The following ZDHHC20 variants were observed in gnomAD, a reference collection of about 807,000 sequenced individuals.
The protein encoded by ZDHHC20 is zDHHC palmitoyltransferase 20, also known as palmitoyltransferase ZDHHC20.
Under a neutral mutation model 57.8 loss-of-function variants are expected in ZDHHC20, and 43 were observed. The ratio of observed to expected loss-of-function variants is 0.74; its 90% CI spans 0.58 to 0.96. ZDHHC20 has a LOEUF of 0.96. Among genes scored for constraint, ZDHHC20 ranks in the 40% least tolerant of loss-of-function variants. The probability of loss-of-function intolerance (pLI) is 0.00; values close to 1 mark genes in which losing one functional copy is unlikely to be tolerated. For missense variants in ZDHHC20, 391 were observed against 441.1 expected (o/e 0.89, Z 1.02); for synonymous variants, 157 against 153.0 (o/e 1.03, Z -0.19).
At position 21,374,636 on chromosome 13, in the gene ZDHHC20, T is replaced by G; in HGVS notation, c.*2060A>C. On this transcript the variant is annotated 3_prime_UTR_variant, in exon 13 of 13. Coordinates refer to ENST00000400590, the MANE Select transcript of ZDHHC20 (RefSeq NM_001330059.2). ...ATCCATACTATAATATCCCAAATTA[T>G]GTTTTCAAAGCTAACTCATTCCTTT... 1 of 227,568 alleles carries G rather than the reference T, an allele frequency of 4.4e-6. No homozygotes were observed. Among genetic ancestry groups the G allele is most frequent in the Non-Finnish European group, 9.2e-6 (1 of 109,232 alleles). 14.1% of individuals were successfully genotyped at this position (227,568 alleles called of 1,614,324 possible).
At chr13:21,385,927 A>G (rs1593179359) in intron 9 of ZDHHC20, among the ~76,000 whole-genome samples, 1 of 152,338 alleles carries the variant, frequency 6.6e-6, no homozygotes, top group East Asian at 1.9e-4. Flanking sequence ...CATTAGAAAC[A>G]ATGCAGACCA....
chr13:21,447,414 T>G (rs1883850335), intron 1 of ZDHHC20, among the ~76,000 whole-genome samples: 1 of 144,926 alleles, frequency 6.9e-6, no homozygotes, highest in Admixed American at 6.9e-5. Flanking sequence ...TGCCTCAGCC[T>G]GCCGAGTGCC....
At chr13:21,416,844 C>A (rs982374001) in intron 3 of ZDHHC20, among the ~76,000 whole-genome samples, 2 of 152,090 alleles carry the variant, frequency 1.3e-5, no homozygotes, top group African/African-American at 4.8e-5. Flanking sequence ...CATGAAGAAG[C>A]AATGAAGATT....
Position 21,421,067 on chromosome 13 carries a change from G to T in ZDHHC20, c.243C>A (p.Ser81=). 1 of 1,611,612 alleles carries T rather than the reference G, an allele frequency of 6.2e-7. No homozygotes were observed. The highest frequency in any genetic ancestry group is 8.5e-7 in the Non-Finnish European group (1 of 1,178,756). ...MTIFTSPASP[S]KEFYLSNSEK... is the part of the protein sequence containing the mutation. The stretch of plus-strand genomic sequence containing the variant: ...TTACCAACATTAAATTTACCTCTTT[G>T]GAGGGGGAAGCGGGAGATGTGAAAA... The change falls in exon 3 of 13, where the codon TCC becomes TCA. Residue 81 remains serine, a synonymous_variant. Transcript: ENST00000400590.
At chr13:21,434,559 GA>G (rs1477120054) in intron 1 of ZDHHC20, among the ~76,000 whole-genome samples, 1 of 152,166 alleles carries the variant, frequency 6.6e-6, no homozygotes, top group Non-Finnish European at 1.5e-5. Context: ...TTGGTTGTCT[GA>G]AGCTCATTGT....
intron 1 of ZDHHC20, among the ~76,000 whole-genome samples, chr13:21,457,895 T>C (rs554004095): frequency 8.5e-5 from 13 of 152,216 alleles, no homozygotes; most frequent in Non-Finnish European, 1.6e-4. Context: ...CAGTCCTTCA[T>C]AAAATGGTAG....
intron 3 of ZDHHC20, among the ~76,000 whole-genome samples, chr13:21,417,511 C>T (rs1880127502): frequency 6.6e-6 from 1 of 152,160 alleles, no homozygotes; most frequent in East Asian, 1.9e-4. Context: ...GCAATCTTGG[C>T]TTACTGCATC....
At chr13:21,408,819 GA>G (rs1182454074) in intron 4 of ZDHHC20, among the ~76,000 whole-genome samples, 5 of 152,176 alleles carry the variant, frequency 3.3e-5, no homozygotes, top group African/African-American at 1.2e-4. Flanking sequence ...TTTTTAGCAT[GA>G]AAGGTTGCTG....
chr13:21,427,444 C>A (rs1593251309), intron 1 of ZDHHC20, among the ~76,000 whole-genome samples: 1 of 152,136 alleles, frequency 6.6e-6, no homozygotes, highest in African/African-American at 2.4e-5. Context: ...AGTAGAAAAT[C>A]TGAATTTAAA....
chr13:21,423,508 T>C (rs1422681129), intron 2 of ZDHHC20, among the ~76,000 whole-genome samples: 3 of 151,978 alleles, frequency 2.0e-5, no homozygotes, highest in Non-Finnish European at 4.4e-5. Flanking sequence ...GAACTCCATC[T>C]CTACCAATAC....
intron 3 of ZDHHC20, among the ~76,000 whole-genome samples, chr13:21,414,365 T>A (rs1389727955): frequency 6.6e-6 from 1 of 151,354 alleles, no homozygotes; most frequent in Non-Finnish European, 1.5e-5. Flanking sequence ...GACCTTTTTT[T>A]TTTCTTTTTT....
Position 21,402,797 on chromosome 13 carries a change from G to A in ZDHHC20, c.440C>T (p.Ser147Leu), listed in dbSNP as rs539103465. Residue 147 changes from serine to leucine, a missense_variant and splice_region_variant, in exon 5 of 13, where the codon TCA becomes TTA. Ser to Leu is a moderately radical substitution (Grantham distance 145, BLOSUM62 -2). Around this residue, in one of 3 missense-constraint regions of ZDHHC20, gnomAD observed 185 missense variants for 188.0 expected, o/e 0.98. Coordinates refer to ENST00000400590, the MANE Select transcript of ZDHHC20 (RefSeq NM_001330059.2). ...DRAHHCSACD[S>L]CILKMDHHCP... ...AAGCATATGTGTGAGTAACACTTAC[G>A]AGTCACAGGCTGAGCAGTGATGCGC... 9 of 1,595,552 alleles carry A rather than the reference G, an allele frequency of 5.6e-6. No homozygotes were observed. The South Asian group carries it at 5.7e-5, about 10-fold the overall frequency.
At position 21,459,145 on chromosome 13, in the gene ZDHHC20, G is replaced by A; in HGVS notation, c.27C>T (p.Cys9=). 1 of 1,604,516 alleles carries A rather than the reference G, an allele frequency of 6.2e-7. No homozygotes were observed. The highest frequency in any genetic ancestry group is 1.1e-5 in the South Asian group (1 of 89,868). The change falls in exon 1 of 13, where the codon TGC becomes TGT. Residue 9 remains cysteine (C), a synonymous_variant. Coordinates refer to ENST00000400590, the MANE Select transcript of ZDHHC20 (RefSeq NM_001330059.2). MAPWTLWR[C]CQRVVGWVPV... ...GCACCCAGCCCACGACGCGCTGGCA[G>A]CAGCGCCACAGCGTCCAGGGCGCCA...
At chr13:21,379,825 C>CTTTTTTTTTTTTTTTTTTTTTTT (rs56681468) in intron 11 of ZDHHC20, among the ~76,000 whole-genome samples, 1 of 137,732 alleles carries the variant, frequency 7.3e-6, no homozygotes. Flanking sequence ...TTTCTTTTTT[C>CTTTTTTTTTTTTTTTTTTTTTTT]TTTTTTTTTG....
chr13:21,454,736 G>C (rs563602652), intron 1 of ZDHHC20, among the ~76,000 whole-genome samples: 1 of 152,192 alleles, frequency 6.6e-6, no homozygotes, highest in Non-Finnish European at 1.5e-5. Context: ...CATGTACAAT[G>C]ATAGTGCTTA....
rs1877441442 is a variant in ZDHHC20 at position 21,400,337 on chromosome 13, T to C, written c.594+36A>G. The C allele has an allele frequency of 3.2e-6, 5 of 1,542,130 alleles. No individual in the cohort carries two copies. In the Admixed American group the frequency reaches 1.1e-4, roughly 35 times the overall value. ...ATTAGGAAGATAGCATCTTAAAGTC[T>C]TAAATACATGTTTCAAGATAGAAAA... On this transcript the variant is annotated intron_variant, in intron 7 of 12. Coordinates refer to ENST00000400590, the MANE Select transcript of ZDHHC20 (RefSeq NM_001330059.2).
intron 7 of ZDHHC20, among the ~76,000 whole-genome samples, chr13:21,397,326 CA>C (rs879296045): frequency 0.014 from 1,838 of 128,058 alleles, 22 homozygotes; most frequent in African/African-American, 0.04. Context: ...AACTGCATCT[CA>C]AAAAAAAAAA....
chr13:21,386,063 A>G (rs1275957984), intron 9 of ZDHHC20, among the ~76,000 whole-genome samples: 1 of 152,262 alleles, frequency 6.6e-6, no homozygotes, highest in Non-Finnish European at 1.5e-5. Context: ...ACTTCAAAAC[A>G]AGTAATCTGT....
At position 21,372,826 on chromosome 13, in the gene ZDHHC20, A is replaced by T. The variant is rs1871418142; in HGVS notation, c.*3870T>A. ...ATAAAAGCATATTAAAGCTCACTTT[A>T]AAATAGTGTCCATCTTTTCTTTTAA... On this transcript the variant is annotated 3_prime_UTR_variant, in exon 13 of 13. Coordinates refer to ENST00000400590, the MANE Select transcript of ZDHHC20 (RefSeq NM_001330059.2). 6.6e-6 allele frequency: 1 copy of T among 152,226 alleles called. No individual in the cohort carries two copies. 9.4% of individuals were successfully genotyped at this position (152,226 alleles called of 1,614,324 possible).
Sources: gnomAD v4.1 joint callset for allele counts (sites outside exome capture counted in the v4.1 genomes callset) on GRCh38, gnomAD v4.1.1 for gene constraint, gnomAD v4.1.1 regional missense constraint, MANE v1.5 for transcripts, NCBI Gene and HGNC (gene_info 2026-07-23, HGNC 2026-07-21) for gene names.